The following SMPD4 variants were observed in gnomAD, a reference collection of about 807,000 sequenced individuals.
SMPD4 encodes the protein neutral sphingomyelinase 3.
A neutral mutation model predicts 97.8 loss-of-function variants in SMPD4; 58 were observed. The observed-to-expected ratio is 0.59, with a 90% confidence interval of 0.48 to 0.74. The LOEUF (loss-of-function observed/expected upper bound fraction) is 0.74. Ranked by LOEUF, SMPD4 falls within the 30% of genes least tolerant of loss-of-function variation. The pLI is 0.00. For missense variants in SMPD4, 853 were observed against 1,080.5 expected (o/e 0.79, Z 2.95); for synonymous variants, 388 against 450.0 (o/e 0.86, Z 1.74).
chr2:130,169,491 A>C (rs1172909241), intron 8 of SMPD4, among the ~76,000 whole-genome samples: 1 of 152,176 alleles, frequency 6.6e-6, no homozygotes, highest in Non-Finnish European at 1.5e-5. Context: ...AACACATACA[A>C]TAGAGGTGGA....
chr2:130,166,309 A>C (rs1422201336), intron 9 of SMPD4, among the ~76,000 whole-genome samples: 3 of 44,070 alleles, frequency 6.8e-5, no homozygotes, highest in Admixed American at 5.7e-4. Flanking sequence ...ACTCCATCTC[A>C]AAAAAAAAAA....
chr2:130,169,205 GC>G (rs1412225580), intron 8 of SMPD4, among the ~76,000 whole-genome samples: 3 of 152,176 alleles, frequency 2.0e-5, no homozygotes, highest in Non-Finnish European at 4.4e-5. Flanking sequence ...AGGGGCGGCC[GC>G]ATGCTCTGGA....
At chr2:130,162,702 A>G (rs1687545430) in intron 10 of SMPD4, among the ~76,000 whole-genome samples, 1 of 152,222 alleles carries the variant, frequency 6.6e-6, no homozygotes, top group Non-Finnish European at 1.5e-5. Context: ...GGATTTCTGC[A>G]TGGCAGTACG....
intron 3 of SMPD4, 130 bp from the exon 4 acceptor site, chr2:130,173,786 C>T (rs1688707933): frequency 4.1e-6 from 5 of 1,226,376 alleles, no homozygotes. Flanking sequence ...TGGGATCAGC[C>T]CTGCACCCAA....
intron 10 of SMPD4, among the ~76,000 whole-genome samples, chr2:130,163,822 G>T (rs964018069): frequency 6.6e-6 from 1 of 152,232 alleles, no homozygotes; most frequent in African/African-American, 2.4e-5. Context: ...CAGAGAGAGA[G>T]AGCAGGGACA....
intron 8 of SMPD4, among the ~76,000 whole-genome samples, chr2:130,170,067 G>A (rs1197282171): frequency 6.6e-6 from 1 of 152,076 alleles, no homozygotes; most frequent in Non-Finnish European, 1.5e-5. Context: ...AAATTAGCTG[G>A]CTGTAGTGAT....
intron 13 of SMPD4, chr2:130,156,337 G>A (rs928736741): frequency 6.1e-6 from 4 of 659,662 alleles, no homozygotes; most frequent in African/African-American, 3.7e-5. Context: ...CAGCCCAGGG[G>A]GCAGAGTACT....
intron 11 of SMPD4, among the ~76,000 whole-genome samples, chr2:130,160,978 G>A (rs1478296957): frequency 6.6e-6 from 1 of 152,176 alleles, no homozygotes; most frequent in Admixed American, 6.5e-5. Flanking sequence ...CTGCCACAAA[G>A]CCACCACCCC....
chr2:130,181,515 T>C lies in SMPD4; in HGVS notation c.-46+15A>G. ...GGCGCCGGACCGTCTCAGGCGCGCA[T>C]CCCGCGCCACTCACCTGTGGGATCC... On this transcript the variant is annotated intron_variant, in intron 1 of 19. Transcript: ENST00000680298. The C allele has an allele frequency of 1.3e-6, 2 of 1,597,690 alleles. No homozygotes were observed. Among genetic ancestry groups the C allele is most frequent in the Non-Finnish European group, 1.7e-6 (2 of 1,173,320 alleles).
chr2:130,154,296 C>T lies in SMPD4; in HGVS notation c.1640G>A (p.Gly547Glu). Residue 547 changes from glycine (G) to glutamate (E), a missense_variant, in exon 16 of 20, where the codon GGG becomes GAG. Gly to Glu is a moderately conservative substitution (Grantham distance 98). Coordinates refer to ENST00000680298, the MANE Select transcript of SMPD4 (RefSeq NM_017951.5). Reference sequence around the variant, plus strand: ...ACTCACCAGGGTGCGGGCCTCGGGCCCAAACATCGGGGTGTACTTGCAGTC... The same window carrying T: ...ACTCACCAGGGTGCGGGCCTCGGGCTCAAACATCGGGGTGTACTTGCAGTC... ...GQDCKYTPMF[G>E]PEARTLVLRL... is the part of the protein sequence containing the mutation. The T allele has an allele frequency of 1.9e-6, 3 of 1,607,242 alleles. No homozygotes were observed. The highest frequency in any genetic ancestry group is 2.6e-6 in the Non-Finnish European group (3 of 1,176,348).
chr2:130,155,027 C>T lies in SMPD4; in HGVS notation c.1453+69G>A, dbSNP rs558199652. The stretch of plus-strand genomic sequence containing the variant: ...GGTCCCTCTTAAAGACCAGCCACCC[C>T]CAGCTAAGGGCCTGGCCCTGGTCTG... On this transcript the variant is annotated intron_variant, in intron 15 of 19. Coordinates refer to ENST00000680298, the MANE Select transcript of SMPD4 (RefSeq NM_017951.5). The T allele has an allele frequency of 1.6e-3, 2,522 of 1,575,908 alleles. 18 individuals are homozygous for T. Among genetic ancestry groups the T allele is most frequent in the South Asian group, 0.011 (953 of 85,248 alleles).
rs190004284 is a variant in SMPD4, at chr2:130,165,277, C to T, written c.793-832G>A. 9.3e-4 allele frequency among the ~76,000 whole-genome samples: 142 copies of T among 152,038 alleles called. 1 individual carries two copies. The highest frequency in any genetic ancestry group is 3.2e-3 in the African/African-American group (132 of 41,506). Reference sequence around the variant, plus strand: ...TCTCTACTAAAAATACAAAATTAGCCGGGCGTGGTGGCGCATGCCTGTAAT... The same window carrying T: ...TCTCTACTAAAAATACAAAATTAGCTGGGCGTGGTGGCGCATGCCTGTAAT... On this transcript the variant is annotated intron_variant, in intron 9 of 19. Coordinates refer to ENST00000680298, the MANE Select transcript of SMPD4 (RefSeq NM_017951.5).
chr2:130,179,012 T>C (rs1201421754), intron 1 of SMPD4, among the ~76,000 whole-genome samples: 3 of 151,332 alleles, frequency 2.0e-5, no homozygotes, highest in Non-Finnish European at 4.4e-5. Flanking sequence ...TGGCAGTCTG[T>C]GGAGGAAGAG....
chr2:130,172,995 G>A, intron 5 of SMPD4, 100 bp from the exon 6 acceptor site: 1 of 1,476,156 alleles, frequency 6.8e-7, no homozygotes, highest in Non-Finnish European at 9.1e-7. Context: ...AGGCTGCTGG[G>A]GAAGAGACCC....
intron 17 of SMPD4, 55 bp downstream of exon 17, chr2:130,153,647 G>A (rs1444731738): frequency 1.6e-5 from 26 of 1,583,788 alleles, no homozygotes; most frequent in Non-Finnish European, 2.2e-5. Context: ...GGGTGGAGTG[G>A]ATCCTTCAGG....
In SMPD4 at chr2:130,167,603, C is replaced by A. The variant is rs760966935; in HGVS notation, c.660-13G>T. 13 of 1,586,900 alleles carry A rather than the reference C, an allele frequency of 8.2e-6. No homozygotes were observed. Among genetic ancestry groups the A allele is most frequent in the Non-Finnish European group, 1.1e-5 (13 of 1,163,348 alleles). ...TATGGCTGGTGTCCTGAGGGAGACA[C>A]AGAAACAGGCCCGAGTTACAGGCTC... On this transcript the variant is annotated splice_polypyrimidine_tract_variant and intron_variant, in intron 8 of 19. Coordinates refer to ENST00000680298, the MANE Select transcript of SMPD4 (RefSeq NM_017951.5).
intron 15 of SMPD4, 112 bp downstream of exon 15, chr2:130,154,984 G>A (rs936222071): frequency 1.8e-5 from 25 of 1,370,864 alleles, no homozygotes; most frequent in Non-Finnish European, 2.4e-5. Flanking sequence ...CTTTGCCGGG[G>A]CCCACTCTGG....
intron 13 of SMPD4, 96 bp downstream of exon 13, chr2:130,156,489 A>G (rs548969629): frequency 8.1e-6 from 10 of 1,240,612 alleles, no homozygotes; most frequent in South Asian, 2.8e-5. Context: ...GGCCTCTGTG[A>G]TAACACTTGC....
At chr2:130,156,844 G>A (rs1443238256) in intron 12 of SMPD4, 169 bp from the exon 13 acceptor site, 11 of 1,533,796 alleles carry the variant, frequency 7.2e-6, no homozygotes, top group Non-Finnish European at 9.7e-6. Flanking sequence ...GTTCAGAGAG[G>A]TTAGGGAACA....
Sources: allele counts gnomAD v4.1 joint callset (sites outside exome capture counted in the v4.1 genomes callset), GRCh38; gene constraint gnomAD v4.1.1; transcripts MANE v1.5; gene names NCBI Gene and HGNC (gene_info 2026-07-23, HGNC 2026-07-21).